Variants in XKR4 observed in about 807,000 individuals in gnomAD.
XKR4 encodes the protein XK related 4.
XKR4 carries 12 observed loss-of-function variants against 53.9 expected under a neutral mutation model. The ratio of observed to expected loss-of-function variants is 0.22; its 90% CI spans 0.14 to 0.36. The LOEUF is 0.36. Ranked by LOEUF, XKR4 falls within the 10% of genes least tolerant of loss-of-function variation. The pLI is 1.00. For missense variants in XKR4, 799 were observed against 859.5 expected (o/e 0.93, Z 0.88); for synonymous variants, 354 against 362.4 (o/e 0.98, Z 0.26).
At chr8:55,262,338 A>T (rs1818537965) in intron 1 of XKR4, among the ~76,000 whole-genome samples, 1 of 152,210 alleles carries the variant, frequency 6.6e-6, no homozygotes, top group Admixed American at 6.5e-5. Context: ...AGATCTGAAC[A>T]TTTGCTTAAG....
chr8:55,252,476 G>A (rs567007712), intron 1 of XKR4, among the ~76,000 whole-genome samples: 3 of 152,302 alleles, frequency 2.0e-5, no homozygotes, highest in South Asian at 2.1e-4. Flanking sequence ...CTGAATACAC[G>A]GGTAGCTGGC....
Position 55,412,970 on chromosome 8 carries a change from C to T in XKR4, c.1006+55093C>T, listed in dbSNP as rs961399000. Among the ~76,000 whole-genome samples, 4 of 152,312 alleles carry T rather than the reference C, an allele frequency of 2.6e-5. No homozygotes were observed. The East Asian group carries it at 7.7e-4, about 29-fold the overall frequency. On this transcript the variant is annotated intron_variant, in intron 2 of 2. Transcript: ENST00000327381. ...TTAAAGTCGCCAGCAGAACGATCCT[C>T]ATGTTTAAGTCAGATAACAATGTCA...
chr8:55,287,281 T>C (rs1468834783), intron 1 of XKR4, among the ~76,000 whole-genome samples: 1 of 152,056 alleles, frequency 6.6e-6, no homozygotes, highest in Non-Finnish European at 1.5e-5. Flanking sequence ...TAGTAATGTG[T>C]TACTGGTTGC....
chr8:55,453,892 C>T, intron 2 of XKR4: 1 of 587,410 alleles, frequency 1.7e-6, no homozygotes, highest in South Asian at 1.5e-5. Flanking sequence ...CCCCACACTC[C>T]AACACAAAGA....
intron 2 of XKR4, among the ~76,000 whole-genome samples, chr8:55,388,410 A>T (rs1804358493): frequency 6.6e-6 from 1 of 152,214 alleles, no homozygotes; most frequent in South Asian, 2.1e-4. Context: ...CTACTATAAA[A>T]ATATACCATA....
At chr8:55,339,191 G>C (rs62519094) in intron 1 of XKR4, among the ~76,000 whole-genome samples, 1 of 152,104 alleles carries the variant, frequency 6.6e-6, no homozygotes, top group Non-Finnish European at 1.5e-5. Flanking sequence ...TGTGGCCATG[G>C]GGCTGGCTGT....
intron 2 of XKR4, among the ~76,000 whole-genome samples, chr8:55,438,756 TA>T (rs2129394566): frequency 6.6e-6 from 1 of 152,208 alleles, no homozygotes; most frequent in South Asian, 2.1e-4. Context: ...AAATGTTATA[TA>T]AAATATATCT....
intron 1 of XKR4, among the ~76,000 whole-genome samples, chr8:55,151,835 A>G (rs1373779808): frequency 6.6e-6 from 1 of 152,192 alleles, no homozygotes; most frequent in Admixed American, 6.5e-5. Context: ...ATGCCTTATT[A>G]ATATTCCAAT....
At chr8:55,257,793 C>T (rs189698395) in intron 1 of XKR4, among the ~76,000 whole-genome samples, 2 of 152,122 alleles carry the variant, frequency 1.3e-5, no homozygotes, top group Non-Finnish European at 2.9e-5. Context: ...AAGAGGAAAA[C>T]GATTGATTTT....
intron 2 of XKR4, among the ~76,000 whole-genome samples, chr8:55,372,597 T>C (rs1470571702): frequency 6.6e-6 from 1 of 151,870 alleles, no homozygotes; most frequent in Non-Finnish European, 1.5e-5. Flanking sequence ...GGATCAGGAT[T>C]TTGTGGCCCA....
intron 2 of XKR4, among the ~76,000 whole-genome samples, chr8:55,427,481 G>C (rs889605750): frequency 2.0e-5 from 3 of 152,112 alleles, no homozygotes; most frequent in Admixed American, 6.5e-5. Flanking sequence ...AAAGTGCTGG[G>C]ATTATAGGCA....
intron 2 of XKR4, among the ~76,000 whole-genome samples, chr8:55,471,309 G>A (rs1473115659): frequency 1.3e-5 from 2 of 152,088 alleles, no homozygotes; most frequent in South Asian, 2.1e-4. Flanking sequence ...AAGTAGGAAA[G>A]GATTAGAGAC....
At chr8:55,496,798 A>G (rs2129402905) in intron 2 of XKR4, among the ~76,000 whole-genome samples, 2 of 152,348 alleles carry the variant, frequency 1.3e-5, no homozygotes, top group East Asian at 3.8e-4. Flanking sequence ...CTAGTTCAAC[A>G]TTTCTCAAAT....
chr8:55,280,733 A>G (rs1018636552), intron 1 of XKR4, among the ~76,000 whole-genome samples: 4 of 152,188 alleles, frequency 2.6e-5, no homozygotes, highest in Non-Finnish European at 5.9e-5. Context: ...TGAAAACATA[A>G]ATTATTCAGA....
chr8:55,468,871 G>A (rs1369219766), intron 2 of XKR4, among the ~76,000 whole-genome samples: 1 of 151,988 alleles, frequency 6.6e-6, no homozygotes, highest in African/African-American at 2.4e-5. Flanking sequence ...TGCCTTCAAG[G>A]TTTTTCCTCT....
At chr8:55,449,056 GT>G (rs1472083399) in intron 2 of XKR4, among the ~76,000 whole-genome samples, 1 of 149,740 alleles carries the variant, frequency 6.7e-6, no homozygotes, top group Non-Finnish European at 1.5e-5. Flanking sequence ...AGTCATGGTG[GT>G]ATTAAGAGAT....
intron 1 of XKR4, among the ~76,000 whole-genome samples, chr8:55,288,679 G>A (rs113701300): frequency 6.6e-5 from 10 of 152,018 alleles, no homozygotes; most frequent in Middle Eastern, 3.4e-3. Flanking sequence ...ATTAGAGATC[G>A]GCATGCATTT....
At chr8:55,360,627 A>C (rs753614370) in intron 2 of XKR4, among the ~76,000 whole-genome samples, 8 of 152,230 alleles carry the variant, frequency 5.3e-5, no homozygotes, top group Non-Finnish European at 1.0e-4. Context: ...CTTATTTAGC[A>C]GGGAGAGAAT....
chr8:55,442,540 G>A (rs1277225627), intron 2 of XKR4, among the ~76,000 whole-genome samples: 1 of 152,198 alleles, frequency 6.6e-6, no homozygotes, highest in Non-Finnish European at 1.5e-5. Flanking sequence ...ACATTAAAGT[G>A]CATTATTCAT....
Sources: gnomAD v4.1 joint callset for allele counts (sites outside exome capture counted in the v4.1 genomes callset) on GRCh38, gnomAD v4.1.1 for gene constraint, MANE v1.5 for transcripts, NCBI Gene and HGNC (gene_info 2026-07-23, HGNC 2026-07-21) for gene names.